The following CC2D2A variants were observed in gnomAD, a reference collection of about 807,000 sequenced individuals.
The protein encoded by CC2D2A is coiled-coil and C2 domain containing 2A.
CC2D2A carries 155 observed loss-of-function variants against 212.9 expected under a neutral mutation model. The ratio of observed to expected loss-of-function variants is 0.73; its 90% CI spans 0.64 to 0.83. CC2D2A has a LOEUF of 0.83. Among genes scored for constraint, CC2D2A ranks in the 40% least tolerant of loss-of-function variants. The pLI is 0.00. For missense variants in CC2D2A, 1,856 were observed against 1,956.2 expected, an observed-to-expected ratio of 0.95 and a Z score of 0.97; for synonymous variants, 667 against 686.5, an observed-to-expected ratio of 0.97 and a Z score of 0.44.
At chr4:15,601,208 T>C (rs776019337) in intron 36 of CC2D2A, 29 bp from the exon 37 acceptor site, 25 of 1,566,086 alleles carry the variant, frequency 1.6e-5, no homozygotes, top group African/African-American at 2.7e-5. Flanking sequence ...CAAACTTCAC[T>C]AATGACTACA....
intron 33 of CC2D2A, among the ~76,000 whole-genome samples, chr4:15,594,635 G>A (rs192028157): frequency 6.6e-6 from 1 of 152,122 alleles, no homozygotes; most frequent in Non-Finnish European, 1.5e-5. Flanking sequence ...CAGTCTACTG[G>A]CCAAAAGTCA....
intron 33 of CC2D2A, among the ~76,000 whole-genome samples, chr4:15,594,071 G>C (rs1721219006): frequency 6.6e-6 from 1 of 151,648 alleles, no homozygotes; most frequent in Non-Finnish European, 1.5e-5. Flanking sequence ...CCTCTTACTT[G>C]CTCTCTCCAG....
At chr4:15,532,838 GT>G (rs1717919182) in intron 13 of CC2D2A, among the ~76,000 whole-genome samples, 1 of 152,212 alleles carries the variant, frequency 6.6e-6, no homozygotes, top group Admixed American at 6.5e-5. Flanking sequence ...ACATGTATTT[GT>G]TGCTAACTAG....
At chr4:15,546,497 G>C (rs1718719116) in intron 17 of CC2D2A, among the ~76,000 whole-genome samples, 1 of 152,294 alleles carries the variant, frequency 6.6e-6, no homozygotes, top group African/African-American at 2.4e-5. Flanking sequence ...ACTTGGTGAT[G>C]GCCCAGCTTT....
chr4:15,490,093 C>T (rs1226937353), intron 4 of CC2D2A, among the ~76,000 whole-genome samples: 1 of 152,196 alleles, frequency 6.6e-6, no homozygotes, highest in Non-Finnish European at 1.5e-5. Flanking sequence ...ACCGCGTACT[C>T]AACATCCACT....
At chr4:15,562,183 C>T (rs1346984759) in intron 23 of CC2D2A, among the ~76,000 whole-genome samples, 1 of 152,206 alleles carries the variant, frequency 6.6e-6, no homozygotes, top group Non-Finnish European at 1.5e-5. Flanking sequence ...CTGCAGAGAC[C>T]TCAGCCTCAG....
At chr4:15,491,586 G>A (rs1201524007) in intron 4 of CC2D2A, among the ~76,000 whole-genome samples, 1 of 152,206 alleles carries the variant, frequency 6.6e-6, no homozygotes, top group East Asian at 1.9e-4. Flanking sequence ...TGTATTTTTA[G>A]TAGAGACAGG....
At chr4:15,492,499 TG>T (rs892762819) in intron 4 of CC2D2A, among the ~76,000 whole-genome samples, 48 of 150,184 alleles carry the variant, frequency 3.2e-4, no homozygotes, top group Admixed American at 9.2e-4. Flanking sequence ...TTCTTTTTTT[TG>T]TTTGTTTGTT....
chr4:15,551,026 A>C (rs1482404646), intron 18 of CC2D2A, 46 bp downstream of exon 18: 1 of 1,453,914 alleles, frequency 6.9e-7, no homozygotes, highest in Non-Finnish European at 9.5e-7. Context: ...TCATTGTCAG[A>C]TTTGAATGTG....
Position 15,502,579 on chromosome 4 carries a change from G to A in CC2D2A, c.336+62G>A, listed in dbSNP as rs1577329867. 3 of 1,432,150 alleles carry A rather than the reference G, an allele frequency of 2.1e-6. No homozygotes were observed. In the East Asian group the frequency reaches 6.9e-5, roughly 33 times the overall value. 88.7% of individuals were successfully genotyped at this position (1,432,150 alleles called of 1,614,324 possible). ...ATTGCAATCTTCCAGGGCTTGTCTA[G>A]CTTACTTTTTATGCTCCAAACTGCA... On this transcript the variant is annotated intron_variant, in intron 5 of 36. Coordinates refer to ENST00000424120, the MANE Select transcript of CC2D2A (RefSeq NM_001378615.1).
intron 24 of CC2D2A, among the ~76,000 whole-genome samples, chr4:15,564,959 G>A (rs1719814652): frequency 2.0e-5 from 3 of 152,218 alleles, no homozygotes; most frequent in African/African-American, 7.2e-5. Context: ...TTATAGGCAT[G>A]AGCCACTGCA....
chr4:15,574,013 G>C, intron 28 of CC2D2A, 137 bp from the exon 29 acceptor site: 2 of 650,814 alleles, frequency 3.1e-6, no homozygotes, highest in Admixed American at 3.0e-5. Context: ...GATGAGATTA[G>C]AAAGATGGGA....
chr4:15,482,615 C>T (rs1356313023), intron 4 of CC2D2A, among the ~76,000 whole-genome samples: 1 of 152,168 alleles, frequency 6.6e-6, no homozygotes, highest in African/African-American at 2.4e-5. Flanking sequence ...CGCATTTGAC[C>T]TTAATTACCT....
chr4:15,516,133 A>ATT (rs58218122), intron 10 of CC2D2A, 129 bp downstream of exon 10: 83 of 741,162 alleles, frequency 1.1e-4, no homozygotes, highest in African/African-American at 1.5e-4. Context: ...AAAGTGGTTC[A>ATT]TTTTTTTTTT....
Position 15,580,121 on chromosome 4 carries a change from C to A in CC2D2A, c.3925C>A (p.Pro1309Thr), listed in dbSNP as rs199703878. 1 of 1,613,870 alleles carries A rather than the reference C, an allele frequency of 6.2e-7. No individual in the cohort carries two copies. Among genetic ancestry groups the A allele is most frequent in the African/African-American group, 1.3e-5 (1 of 75,020 alleles). The part of the protein sequence containing the change: ...FITRYLKPLN[P>T]PQELLNVYPN... ...CACACGTTATCTCAAACCTTTAAACCCTCCTCAGGAGCTCCTTAATGTCTA... is the reference window on the plus strand; with the variant it reads ...CACACGTTATCTCAAACCTTTAAACACTCCTCAGGAGCTCCTTAATGTCTA... Residue 1309 changes from proline to threonine, a missense_variant, in exon 30 of 37, where the codon CCT (proline) becomes ACT (threonine). Around this residue, in one of 5 missense-constraint regions of CC2D2A, gnomAD observed 20 missense variants for 46.9 expected, o/e 0.43. Transcript: ENST00000424120.
In CC2D2A at chr4:15,537,966, A is replaced by G. The variant is rs777780535; in HGVS notation, c.1832A>G (p.Tyr611Cys). The change falls in exon 16 of 37, where the codon TAT becomes TGT. Residue 611 changes from tyrosine to cysteine, a missense_variant. Physicochemically the swap from Tyr to Cys is radical, Grantham distance 194 (BLOSUM62 -2). Transcript: ENST00000424120. ...EHPGDEIAEPYPEEDLVKPSP... is the reference protein window; with the variant it reads ...EHPGDEIAEPCPEEDLVKPSP... ...CCCGGTGATGAGATTGCAGAGCCGT[A>G]TCCCGAGGAGGACCTTGTGAAGCCC... 3.1e-6 allele frequency: 5 copies of G among 1,610,570 alleles called. No individual in the cohort carries two copies. The highest frequency in any genetic ancestry group is 1.1e-5 in the South Asian group (1 of 90,046).
At chr4:15,476,261 C>T (rs778719313) in intron 2 of CC2D2A, among the ~76,000 whole-genome samples, 18 of 152,212 alleles carry the variant, frequency 1.2e-4, no homozygotes, top group Non-Finnish European at 1.5e-4. Flanking sequence ...TTAGTTACAG[C>T]TCAGTGTTGC....
chr4:15,516,748 T>C lies in CC2D2A; in HGVS notation c.1141T>C (p.Tyr381His). The change falls in exon 11 of 37, where the codon TAT becomes CAT. Residue 381 changes from tyrosine (Y) to histidine (H), a missense_variant. Around this residue, in one of 5 missense-constraint regions of CC2D2A, gnomAD observed 1,512 missense variants for 1,579.3 expected, o/e 0.96. Transcript: ENST00000424120. ...QSIKAELETL[Y>H]KKAVKYVHSS... is the part of the protein sequence containing the mutation. ...CATTAAGGCAGAGCTTGAAACACTGTATAAAAAGGTAGACACTCCCCTCTC... is the reference window on the plus strand; with the variant it reads ...CATTAAGGCAGAGCTTGAAACACTGCATAAAAAGGTAGACACTCCCCTCTC... The C allele has an allele frequency of 6.2e-7, 1 of 1,611,334 alleles. No homozygotes were observed. Among genetic ancestry groups the C allele is most frequent in the Non-Finnish European group, 8.5e-7 (1 of 1,178,552 alleles).
intron 8 of CC2D2A, among the ~76,000 whole-genome samples, chr4:15,514,208 A>G (rs1420909394): frequency 6.6e-6 from 1 of 152,258 alleles, no homozygotes; most frequent in Non-Finnish European, 1.5e-5. Context: ...ACTGAGGATC[A>G]GAAGGTTAAA....
Sources: allele counts gnomAD v4.1 joint callset (sites outside exome capture counted in the v4.1 genomes callset), GRCh38; gene constraint gnomAD v4.1.1; regional missense constraint gnomAD v4.1.1; transcripts MANE v1.5; gene names NCBI Gene and HGNC (gene_info 2026-07-23, HGNC 2026-07-21).